Variants in PEX14 observed in about 807,000 individuals in gnomAD.
PEX14 encodes peroxisomal membrane protein PEX14.
A neutral mutation model predicts 49.5 loss-of-function variants in PEX14; 15 were observed. That is an observed-to-expected ratio of 0.30 (90% CI 0.20 to 0.47). PEX14 has a LOEUF of 0.47. PEX14 is among the 20% of genes least tolerant of loss of function. The probability of loss-of-function intolerance (pLI) is 1.00; values close to 1 mark genes in which losing one functional copy is unlikely to be tolerated. For missense variants in PEX14, 398 were observed against 494.8 expected (o/e 0.80, Z 1.86); for synonymous variants, 210 against 212.7 (o/e 0.99, Z 0.11).
chr1:10,488,830 CTCT>C lies in PEX14; in HGVS notation c.37-6439_37-6437del, dbSNP rs1246453597. Among the ~76,000 whole-genome samples the C allele has an allele frequency of 1.1e-4, 16 of 151,956 alleles. 2 individuals carry two copies. Among genetic ancestry groups the C allele is most frequent in the African/African-American group, 3.9e-4 (16 of 41,448 alleles). On this transcript the variant is annotated intron_variant, in intron 1 of 8. Coordinates refer to ENST00000356607, the MANE Select transcript of PEX14 (RefSeq NM_004565.3). ...TATTTTCTTTTTATACCTTACATTT[CTCT>C]TCTTACTGTGACATGTTTTCATTTA...
chr1:10,563,702 AT>A (rs1639720180), intron 3 of PEX14, among the ~76,000 whole-genome samples: 1 of 152,150 alleles, frequency 6.6e-6, no homozygotes, highest in Non-Finnish European at 1.5e-5. Context: ...AGGCGGGTGT[AT>A]CACGAGGTCA....
Position 10,500,382 on chromosome 1 carries a change from A to G in PEX14, c.84+5061A>G, listed in dbSNP as rs1261179039. Among the ~76,000 whole-genome samples, 184 of 148,866 alleles carry G rather than the reference A, an allele frequency of 1.2e-3. 1 individual carries two copies. Among genetic ancestry groups the G allele is most frequent in the African/African-American group, 4.3e-3 (176 of 40,498 alleles). On this transcript the variant is annotated intron_variant, in intron 2 of 8. Transcript: ENST00000356607. ...GAGCCAGATTCTGTCTCAAAAAAAA[A>G]AAAAAAAAAAAAAAAAAAAAGAAAA...
At chr1:10,568,595 A>G (rs1335971719) in intron 3 of PEX14, among the ~76,000 whole-genome samples, 1 of 152,028 alleles carries the variant, frequency 6.6e-6, no homozygotes, top group African/African-American at 2.4e-5. Flanking sequence ...TTGTGCCATT[A>G]TTTTATCCAG....
chr1:10,529,343 C>T lies in PEX14; in HGVS notation c.85-6870C>T, dbSNP rs550632287. 6.6e-5 allele frequency among the ~76,000 whole-genome samples: 10 copies of T among 152,364 alleles called. No homozygotes were observed. In the East Asian group the frequency reaches 7.7e-4, roughly 12 times the overall value. ...AAGCTGTGCTCCTCCACTGCACCAG[C>T]GCCCTTTGGGCTGGAAGTTGGCACC... On this transcript the variant is annotated intron_variant, in intron 2 of 8. Transcript: ENST00000356607. The surrounding 1 kb of genome is among the most constrained non-coding windows in gnomAD (Gnocchi z 4.2).
At chr1:10,571,019 T>G (rs1033003886) in intron 3 of PEX14, among the ~76,000 whole-genome samples, 1 of 143,382 alleles carries the variant, frequency 7.0e-6, no homozygotes, top group African/African-American at 2.6e-5. Context: ...TGGCTAGTTT[T>G]TTTTTTTTTT....
At chr1:10,617,265 C>T (rs1239007404) in intron 4 of PEX14, 1 of 152,654 alleles carries the variant, frequency 6.6e-6, no homozygotes, top group East Asian at 1.9e-4. Context: ...CAGTCCCTCT[C>T]CACCTCGTGA....
intron 1 of PEX14, among the ~76,000 whole-genome samples, chr1:10,487,738 C>T (rs890991706): frequency 1.3e-5 from 2 of 151,946 alleles, no homozygotes; most frequent in African/African-American, 4.8e-5. Context: ...CCACCTCGGC[C>T]TCCCAAAGTG....
chr1:10,531,637 G>A (rs1638653873), intron 2 of PEX14, among the ~76,000 whole-genome samples: 1 of 152,056 alleles, frequency 6.6e-6, no homozygotes, highest in South Asian at 2.1e-4. Flanking sequence ...AAAAGGACTT[G>A]GCTTTGGTTG....
At chr1:10,500,885 A>G (rs1216606707) in intron 2 of PEX14, among the ~76,000 whole-genome samples, 2 of 152,168 alleles carry the variant, frequency 1.3e-5, no homozygotes, top group Non-Finnish European at 2.9e-5. Context: ...CCACCAAAAC[A>G]TTTCTGAAGA....
At position 10,627,380 on chromosome 1, in the gene PEX14, G is replaced by A. The variant is rs1641779531; in HGVS notation, c.677+17G>A. The A allele has an allele frequency of 6.4e-7, 1 of 1,551,260 alleles. No homozygotes were observed. The highest frequency in any genetic ancestry group is 1.4e-5 in the African/African-American group (1 of 73,554). Reference sequence around the variant, plus strand: ...TTTAAATCGGTAGGAGGGAGGAATGGGGACCCTGTTCTGGTCGGGCCTGGA... The same window carrying A: ...TTTAAATCGGTAGGAGGGAGGAATGAGGACCCTGTTCTGGTCGGGCCTGGA... On this transcript the variant is annotated intron_variant, in intron 8 of 8. Transcript: ENST00000356607.
In PEX14 at chr1:10,629,715, G is replaced by A. The variant is rs1207319506; in HGVS notation, c.862G>A (p.Val288Ile). ...KEGHSPEGST[V>I]TYHLLGPQEE... ...GGGCCACAGCCCCGAGGGCTCCACG[G>A]TCACCTACCACTTGCTGGGCCCCCA... Residue 288 changes from valine (V) to isoleucine (I), a missense_variant, in exon 9 of 9, where the codon GTC becomes ATC. Val to Ile is a conservative substitution (Grantham distance 29). Transcript: ENST00000356607. The surrounding 1 kb of genome is among the most constrained non-coding windows in gnomAD (Gnocchi z 8.5). The A allele has an allele frequency of 6.2e-7, 1 of 1,607,508 alleles. No homozygotes were observed. The highest frequency in any genetic ancestry group is 8.5e-7 in the Non-Finnish European group (1 of 1,177,022).
chr1:10,627,497 G>C (rs946855470), intron 8 of PEX14, 134 bp downstream of exon 8: 2 of 694,822 alleles, frequency 2.9e-6, no homozygotes, highest in African/African-American at 3.6e-5. Context: ...CAGGCACTGA[G>C]TCTGGGGCCT....
chr1:10,476,763 T>C (rs1178796651), intron 1 of PEX14, among the ~76,000 whole-genome samples: 6 of 152,044 alleles, frequency 3.9e-5, no homozygotes, highest in African/African-American at 1.4e-4. Flanking sequence ...AGTGCTGAGA[T>C]TATATGCGTG....
chr1:10,622,463 A>G (rs1431338358), intron 5 of PEX14, among the ~76,000 whole-genome samples: 3 of 152,220 alleles, frequency 2.0e-5, no homozygotes, highest in African/African-American at 4.8e-5. Context: ...GAGAGAACCA[A>G]GGGTCCCAGA....
In PEX14 at chr1:10,495,694, G is replaced by A. The variant is rs142899250; in HGVS notation, c.84+373G>A. On this transcript the variant is annotated intron_variant, in intron 2 of 8. Transcript: ENST00000356607. This position sits in a 1 kb window ranked among gnomAD's most constrained non-coding sequence, Gnocchi z 4.2. Reference sequence around the variant, plus strand: ...CCCTCTGCTCTGCCCCTCAGGGTGCGAGCGCCTCAGTGGTCTTTAAAGAAC... The same window carrying A: ...CCCTCTGCTCTGCCCCTCAGGGTGCAAGCGCCTCAGTGGTCTTTAAAGAAC... 3.2e-3 allele frequency among the ~76,000 whole-genome samples: 483 copies of A among 152,280 alleles called. 3 individuals are homozygous for A. The highest frequency in any genetic ancestry group is 0.011 in the African/African-American group (457 of 41,550).
At chr1:10,486,168 C>T in intron 1 of PEX14, among the ~76,000 whole-genome samples, 1 of 152,048 alleles carries the variant, frequency 6.6e-6, no homozygotes, top group East Asian at 1.9e-4. Flanking sequence ...TTTAATTTTT[C>T]TTGCTTTATT....
Position 10,495,330 on chromosome 1 carries a change from C to T in PEX14, c.84+9C>T. ...TGCCTCGAGAGCCGCTGGTAAGTACCCAAGATATGTGGTATCACTTTCTAG... is the reference window on the plus strand; with the variant it reads ...TGCCTCGAGAGCCGCTGGTAAGTACTCAAGATATGTGGTATCACTTTCTAG... On this transcript the variant is annotated intron_variant, in intron 2 of 8. Transcript: ENST00000356607. The surrounding 1 kb of genome is among the most constrained non-coding windows in gnomAD (Gnocchi z 4.2). The T allele has an allele frequency of 6.2e-6, 10 of 1,607,936 alleles. No individual in the cohort carries two copies. The highest frequency in any genetic ancestry group is 8.5e-6 in the Non-Finnish European group (10 of 1,174,704).
chr1:10,514,119 GAAAAAAA>G lies in PEX14; in HGVS notation c.84+18799_84+18805del. Among the ~76,000 whole-genome samples the G allele has an allele frequency of 9.8e-6, 1 of 101,658 alleles. No homozygotes were observed. The allele number at this position is 101,658 out of a possible 152,430, so 66.7% of individuals were successfully genotyped here. ...AAAGAAGAAAGAAAAGAAGGAAATA[GAAAAAAA>G]GGAAAAAATGTATAAAATAATCTAT... On this transcript the variant is annotated intron_variant, in intron 2 of 8. Coordinates refer to ENST00000356607, the MANE Select transcript of PEX14 (RefSeq NM_004565.3). This position sits in a 1 kb window ranked among gnomAD's most constrained non-coding sequence, Gnocchi z 4.4.
chr1:10,557,703 C>A (rs528559959), intron 3 of PEX14, among the ~76,000 whole-genome samples: 9 of 152,336 alleles, frequency 5.9e-5, no homozygotes, highest in African/African-American at 2.2e-4. Flanking sequence ...CAGCTTACAG[C>A]CTCAACACCA....
Sources: gnomAD v4.1 joint callset for allele counts (sites outside exome capture counted in the v4.1 genomes callset) on GRCh38, gnomAD v4.1.1 for gene constraint, Gnocchi (gnomAD v3.1) non-coding constraint, MANE v1.5 for transcripts, NCBI Gene and HGNC (gene_info 2026-07-23, HGNC 2026-07-21) for gene names.